RNF115: variants seen among roughly 807,000 people sequenced by gnomAD.
RNF115 encodes ring finger protein 115.
In RNF115, 31 loss-of-function variants were observed where a neutral mutation model predicts 39.2. That is an observed-to-expected ratio of 0.79 (90% CI 0.59 to 1.07). The LOEUF (loss-of-function observed/expected upper bound fraction) is 1.07, where lower values mean the gene tolerates loss of function less well. Ranked by LOEUF, RNF115 falls within the 50% of genes least tolerant of loss-of-function variation. The pLI is 0.00. For synonymous variants in RNF115, 124 were observed against 131.0 expected, an observed-to-expected ratio of 0.95 and a Z score of 0.37; for missense variants, 384 against 381.7, an observed-to-expected ratio of 1.01 and a Z score of -0.05.
At chr1:145,771,600 T>C (rs1647642551) in intron 4 of RNF115, 111 bp downstream of exon 4, 1 of 800,182 alleles carries the variant, frequency 1.2e-6, no homozygotes, top group South Asian at 1.8e-5. Flanking sequence ...TCTACATATG[T>C]CCATCTTGTC....
intron 4 of RNF115, among the ~76,000 whole-genome samples, chr1:145,764,712 G>A (rs896610362): frequency 6.6e-6 from 1 of 151,384 alleles, no homozygotes; most frequent in Admixed American, 6.6e-5. Context: ...GGGAGGTGGG[G>A]GGTCAGCCCC....
chr1:145,799,883 C>G (rs1474860574), intron 1 of RNF115, among the ~76,000 whole-genome samples: 1 of 151,954 alleles, frequency 6.6e-6, no homozygotes. Flanking sequence ...CATAAGCCAA[C>G]AGGCCCAGCC....
chr1:145,817,653 G>A lies in RNF115; in HGVS notation c.102+6119C>T, dbSNP rs587732527. Among the ~76,000 whole-genome samples, 18 of 74,022 alleles carry A rather than the reference G, an allele frequency of 2.4e-4. 3 individuals carry two copies. The East Asian group carries it at 3.1e-3, about 13-fold the overall frequency. 48.6% of individuals were successfully genotyped at this position (74,022 alleles called of 152,430 possible). On this transcript the variant is annotated intron_variant, in intron 1 of 8. Coordinates refer to ENST00000582693, the MANE Select transcript of RNF115 (RefSeq NM_014455.4). ...GGGCACATATGTACATTTGTTACAC[G>A]GACAAACTGTGTCACTGGAATTTGG...
At chr1:145,811,370 A>AAG (rs1553722525) in intron 1 of RNF115, among the ~76,000 whole-genome samples, 5,340 of 145,792 alleles carry the variant, frequency 0.037, 1 homozygote, top group African/African-American at 0.13. Flanking sequence ...AAAAAAAAAA[A>AAG]AAAAAGAAAA....
In RNF115 at chr1:145,752,958, GA is replaced by G; in HGVS notation, c.500+19del. On this transcript the variant is annotated intron_variant, in intron 5 of 8. Transcript: ENST00000582693. ...TATGTCACTCCAATAGAGTAAGATA[GA>G]AAACAATTAGTTACTTACCAGGAAA... is the stretch of plus-strand genomic sequence containing the variant. 1 of 1,532,048 alleles carries G rather than the reference GA, an allele frequency of 6.5e-7. No homozygotes were observed. 94.9% of individuals were successfully genotyped at this position (1,532,048 alleles called of 1,614,324 possible).
chr1:145,761,200 G>T (rs1658489211), intron 4 of RNF115, among the ~76,000 whole-genome samples: 1 of 152,078 alleles, frequency 6.6e-6, no homozygotes, highest in African/African-American at 2.4e-5. Flanking sequence ...TAGCCTATGT[G>T]ACAAAAAAGA....
chr1:145,769,923 C>T (rs1442967725), intron 4 of RNF115, among the ~76,000 whole-genome samples: 1 of 152,024 alleles, frequency 6.6e-6, no homozygotes. Flanking sequence ...GGGAGGATTG[C>T]TTGAGCCCAC....
chr1:145,814,919 A>C (rs1570697566), intron 1 of RNF115, among the ~76,000 whole-genome samples: 1 of 145,838 alleles, frequency 6.9e-6, no homozygotes, highest in East Asian at 2.1e-4. Flanking sequence ...AAAACACTGA[A>C]GTCATCACTT....
Position 145,788,937 on chromosome 1 carries a change from G to A in RNF115, c.132C>T (p.Gly44=). 1 of 1,601,396 alleles carries A rather than the reference G, an allele frequency of 6.2e-7. No homozygotes were observed. The highest frequency in any genetic ancestry group is 8.5e-7 in the Non-Finnish European group (1 of 1,171,260). ...AATCATCTGTCACTTCTTCAATAAA[G>A]CCTGATTCACATCTGGGACATATAT... ...PEYICPRCES[G]FIEEVTDDSS... The change falls in exon 2 of 9, where the codon GGC becomes GGT. Residue 44 remains glycine (G), a synonymous_variant. Transcript: ENST00000582693.
At chr1:145,750,542 G>A (rs782531172) in intron 6 of RNF115, 42 bp from the exon 7 acceptor site, 24 of 1,482,848 alleles carry the variant, frequency 1.6e-5, no homozygotes, top group East Asian at 6.8e-5. Context: ...GGCAGACATC[G>A]CAATATCCCT....
At chr1:145,747,479 C>T (rs2101450164) in intron 8 of RNF115, among the ~76,000 whole-genome samples, 2 of 152,184 alleles carry the variant, frequency 1.3e-5, no homozygotes, top group East Asian at 3.9e-4. Flanking sequence ...CCTGTCTCTA[C>T]TAAAAACACA....
rs587603268 is a variant in RNF115, at chr1:145,799,254, GA to G, written c.103-10289del. On this transcript the variant is annotated intron_variant, in intron 1 of 8. Transcript: ENST00000582693. ...AGCTAATTTTTGTATTTTTAGTAAA[GA>G]CGGGGTTTCACCATGTTGGCCAGGA... Among the ~76,000 whole-genome samples the G allele has an allele frequency of 1.0e-3, 153 of 152,086 alleles. 6 individuals carry two copies. In the East Asian group the frequency reaches 0.026, roughly 26 times the overall value.
intron 4 of RNF115, among the ~76,000 whole-genome samples, chr1:145,762,290 C>T (rs1658563224): frequency 1.3e-5 from 2 of 152,108 alleles, no homozygotes; most frequent in Non-Finnish European, 2.9e-5. Context: ...TTGGAGGGGC[C>T]AGGGGCAGAA....
At chr1:145,770,831 T>C (rs1553715637) in intron 4 of RNF115, among the ~76,000 whole-genome samples, 1 of 152,172 alleles carries the variant, frequency 6.6e-6, no homozygotes, top group Non-Finnish European at 1.5e-5. Flanking sequence ...AGCAAAACCA[T>C]CTATTTGACT....
At chr1:145,798,703 C>T (rs1649091877) in intron 1 of RNF115, among the ~76,000 whole-genome samples, 1 of 152,100 alleles carries the variant, frequency 6.6e-6, no homozygotes, top group Admixed American at 6.6e-5. Context: ...AAAAAAAATG[C>T]TGTTGGGATT....
At chr1:145,801,734 G>A (rs1173844243) in intron 1 of RNF115, among the ~76,000 whole-genome samples, 1 of 151,948 alleles carries the variant, frequency 6.6e-6, no homozygotes, top group Non-Finnish European at 1.5e-5. Context: ...TTACCCCTCA[G>A]TAACTCATTT....
intron 4 of RNF115, among the ~76,000 whole-genome samples, chr1:145,756,501 G>A (rs1031826865): frequency 2.0e-5 from 3 of 151,484 alleles, no homozygotes. Context: ...GATCTAGAAT[G>A]GTACCTAAAG....
chr1:145,778,468 A>C (rs1396936108), intron 3 of RNF115, among the ~76,000 whole-genome samples: 1 of 152,226 alleles, frequency 6.6e-6, no homozygotes, highest in Non-Finnish European at 1.5e-5. Context: ...TAACAGGGTG[A>C]ATTACGTAGT....
chr1:145,770,760 C>T (rs1647602610), intron 4 of RNF115, among the ~76,000 whole-genome samples: 1 of 152,190 alleles, frequency 6.6e-6, no homozygotes, highest in African/African-American at 2.4e-5. Flanking sequence ...GAAGCACAGT[C>T]CTCTGCATAT....
Sources: gnomAD v4.1 joint callset for allele counts (sites outside exome capture counted in the v4.1 genomes callset) on GRCh38, gnomAD v4.1.1 for gene constraint, MANE v1.5 for transcripts, NCBI Gene and HGNC (gene_info 2026-07-23, HGNC 2026-07-21) for gene names.